Variants in EYS observed in about 807,000 individuals in gnomAD.
EYS encodes the protein protein eyes shut homolog.
Under a neutral mutation model 282.1 loss-of-function variants are expected in EYS, and 250 were observed. That is an observed-to-expected ratio of 0.89 (90% CI 0.80 to 0.98). The LOEUF is 0.98. EYS is among the 50% of genes least tolerant of loss of function. The pLI is 0.00. For synonymous variants in EYS, 1,355 were observed against 1,282.9 expected (o/e 1.06, Z -1.20); for missense variants, 4,016 against 3,709.0 (o/e 1.08, Z -2.15).
intron 1 of EYS, among the ~76,000 whole-genome samples, chr6:65,688,416 T>G (rs1215175956): frequency 6.6e-6 from 1 of 152,144 alleles, no homozygotes; most frequent in Admixed American, 6.6e-5. Flanking sequence ...TCCTTACACC[T>G]TATACAAAAA....
chr6:65,420,089 GC>G (rs1767397562), intron 5 of EYS, among the ~76,000 whole-genome samples: 1 of 151,952 alleles, frequency 6.6e-6, no homozygotes, highest in Admixed American at 6.6e-5. Flanking sequence ...GGTGGTGGTT[GC>G]TAAAGATTGG....
At chr6:64,020,864 G>A (rs948427786) in intron 33 of EYS, among the ~76,000 whole-genome samples, 3 of 152,060 alleles carry the variant, frequency 2.0e-5, no homozygotes, top group Admixed American at 6.5e-5. Context: ...TAATACCAAA[G>A]AAAGATCTCA....
chr6:65,365,621 T>G (rs1428089095), intron 8 of EYS, among the ~76,000 whole-genome samples: 1 of 151,700 alleles, frequency 6.6e-6, no homozygotes, highest in African/African-American at 2.4e-5. Flanking sequence ...TCCTCAACAT[T>G]GTGTGCCTGG....
At chr6:63,920,636 G>A (rs868603818) in intron 35 of EYS, among the ~76,000 whole-genome samples, 1 of 152,196 alleles carries the variant, frequency 6.6e-6, no homozygotes, top group African/African-American at 2.4e-5. Context: ...TGAACCACAT[G>A]AGTTGGATTC....
chr6:64,447,493 T>A (rs1181916589), intron 26 of EYS, among the ~76,000 whole-genome samples: 1 of 152,086 alleles, frequency 6.6e-6, no homozygotes, highest in Non-Finnish European at 1.5e-5. Flanking sequence ...AGATTTATAT[T>A]ATATGAAAAT....
At chr6:64,997,773 T>G (rs1321924075) in intron 13 of EYS, 70 bp from the exon 14 acceptor site, 2 of 1,374,874 alleles carry the variant, frequency 1.5e-6, no homozygotes. Context: ...ATAATTAGTC[T>G]AAAATTCTAT....
chr6:65,384,274 A>G (rs1194951262), intron 8 of EYS, 112 bp downstream of exon 8: 3 of 687,302 alleles, frequency 4.4e-6, no homozygotes, highest in Non-Finnish European at 7.9e-6. Flanking sequence ...AAATATAGAT[A>G]TAAGGATATG....
intron 33 of EYS, among the ~76,000 whole-genome samples, chr6:64,011,649 C>T (rs747036257): frequency 6.6e-6 from 1 of 150,528 alleles, no homozygotes; most frequent in Non-Finnish European, 1.5e-5. Context: ...TTTAAGGTAC[C>T]TATGTTTTAT....
chr6:64,699,118 A>G (rs1295810135), intron 22 of EYS, among the ~76,000 whole-genome samples: 7 of 152,206 alleles, frequency 4.6e-5, no homozygotes, highest in Non-Finnish European at 8.8e-5. Context: ...TGGTACATAT[A>G]TACCATAGAA....
At chr6:63,736,528 CCAG>C (rs1252212814) in intron 41 of EYS, among the ~76,000 whole-genome samples, 1 of 152,104 alleles carries the variant, frequency 6.6e-6, no homozygotes, top group Non-Finnish European at 1.5e-5. Flanking sequence ...CGTGATGCCT[CCAG>C]CTTTGTTCTT....
In EYS at chr6:65,151,075, A is replaced by AT. The variant is rs1764599927; in HGVS notation, c.2024-93349dup. On this transcript the variant is annotated intron_variant, in intron 12 of 42. Transcript: ENST00000503581. ...GATTCATTATGGAAAAACATAGAAT[A>AT]TTATGTATTTTTTAGTATGACATTT... 2.0e-5 allele frequency among the ~76,000 whole-genome samples: 3 copies of AT among 152,138 alleles called. No homozygotes were observed. The South Asian group carries it at 6.2e-4, about 32-fold the overall frequency.
chr6:64,680,848 A>C (rs1001875944), intron 22 of EYS, among the ~76,000 whole-genome samples: 1 of 152,170 alleles, frequency 6.6e-6, no homozygotes, highest in Non-Finnish European at 1.5e-5. Context: ...AACACAGTCC[A>C]TAAAACAGAG....
chr6:65,271,559 C>T (rs941777688), intron 12 of EYS, among the ~76,000 whole-genome samples: 5 of 151,788 alleles, frequency 3.3e-5, no homozygotes, highest in Non-Finnish European at 5.9e-5. Context: ...AATCCAGTGG[C>T]CCAGTCAAGT....
intron 39 of EYS, among the ~76,000 whole-genome samples, 178 bp downstream of exon 39, chr6:63,787,927 G>A (rs376215521): frequency 7.2e-5 from 11 of 151,882 alleles, no homozygotes; most frequent in Non-Finnish European, 1.2e-4. Context: ...CAACAAGAGC[G>A]AAACTCCATC....
At chr6:64,843,954 C>T (rs1243756662) in intron 19 of EYS, among the ~76,000 whole-genome samples, 3 of 152,212 alleles carry the variant, frequency 2.0e-5, no homozygotes, top group Admixed American at 6.5e-5. Flanking sequence ...TTCTGCCATA[C>T]TATTCTTGTG....
At chr6:64,519,638 A>G (rs544743380) in intron 26 of EYS, among the ~76,000 whole-genome samples, 65 of 151,938 alleles carry the variant, frequency 4.3e-4, no homozygotes, top group African/African-American at 1.4e-3. Context: ...GGTGGCTATA[A>G]ACAAGTTTTG....
At chr6:65,695,183 C>A (rs1259520953) in intron 1 of EYS, among the ~76,000 whole-genome samples, 7 of 151,786 alleles carry the variant, frequency 4.6e-5, no homozygotes, top group Non-Finnish European at 1.0e-4. Flanking sequence ...TTAGGCACCA[C>A]TGAGAAATTT....
In EYS at chr6:64,244,937, C is replaced by T. The variant is rs12209508; in HGVS notation, c.6192-14113G>A. On this transcript the variant is annotated intron_variant, in intron 30 of 42. Transcript: ENST00000503581. ...TGGTGTGCTGCACCCATTAACTTGT[C>T]ATTTACATTAGGTATATCTCCTAAT... Among the ~76,000 whole-genome samples, 712 of 151,870 alleles carry T rather than the reference C, an allele frequency of 4.7e-3. 3 individuals carry two copies. Among genetic ancestry groups the T allele is most frequent in the Non-Finnish European group, 8.5e-3 (575 of 67,934 alleles).
At chr6:64,264,830 G>A (rs761722694) in intron 30 of EYS, among the ~76,000 whole-genome samples, 31 of 152,018 alleles carry the variant, frequency 2.0e-4, no homozygotes, top group Non-Finnish European at 3.8e-4. Context: ...CTTGAACCTC[G>A]GAAGCTGAGG....
Sources: allele counts gnomAD v4.1 joint callset (sites outside exome capture counted in the v4.1 genomes callset), GRCh38; gene constraint gnomAD v4.1.1; transcripts MANE v1.5; gene names NCBI Gene and HGNC (gene_info 2026-07-23, HGNC 2026-07-21).